HEATR5A: variants seen among roughly 807,000 people sequenced by gnomAD.
The protein encoded by HEATR5A is HEAT repeat-containing protein 5A.
In HEATR5A, 178 loss-of-function variants were observed where a neutral mutation model predicts 218.8. That is an observed-to-expected ratio of 0.81 (90% CI 0.72 to 0.92). The LOEUF (loss-of-function observed/expected upper bound fraction) is 0.92. Ranked by LOEUF, HEATR5A falls within the 40% of genes least tolerant of loss-of-function variation. HEATR5A has a pLI of 0.00. For synonymous variants in HEATR5A, 864 were observed against 871.6 expected (o/e 0.99, Z 0.15); for missense variants, 2,420 against 2,418.9 (o/e 1.00, Z -0.01).
At chr14:31,383,346 T>C (rs1186212125) in intron 10 of HEATR5A, among the ~76,000 whole-genome samples, 175 bp downstream of exon 10, 1 of 152,204 alleles carries the variant, frequency 6.6e-6, no homozygotes, top group African/African-American at 2.4e-5. Flanking sequence ...AGCTTAGTTA[T>C]TTAAGATTTC....
Position 31,345,187 on chromosome 14 carries a change from TATA to T in HEATR5A, c.2955_2957del (p.Ile986del), listed in dbSNP as rs1456477964. The stretch of plus-strand genomic sequence containing the variant: ...TAGGAGGCACATTTAACAACAACAT[TATA>T]ATAAGAGAAAGGGTAGGTTCCACAT... On this transcript the variant is annotated inframe_deletion, in exon 20 of 36. Coordinates refer to ENST00000543095, the MANE Select transcript of HEATR5A (RefSeq NM_015473.4). The T allele has an allele frequency of 1.9e-6, 3 of 1,613,444 alleles. No individual in the cohort carries two copies. The highest frequency in any genetic ancestry group is 2.5e-6 in the Non-Finnish European group (3 of 1,179,636).
intron 1 of HEATR5A, among the ~76,000 whole-genome samples, chr14:31,410,327 C>T (rs2031230306): frequency 1.3e-5 from 2 of 152,106 alleles, no homozygotes; most frequent in Admixed American, 1.3e-4. Context: ...TCAAGAACTC[C>T]CACAATTCAA....
intron 11 of HEATR5A, 63 bp downstream of exon 11, chr14:31,380,404 G>C: frequency 1.0e-6 from 1 of 994,294 alleles, no homozygotes; most frequent in Non-Finnish European, 1.5e-6. Context: ...TCACATATAA[G>C]AATCATTTCA....
At chr14:31,380,255 C>T (rs1335600426) in intron 11 of HEATR5A, among the ~76,000 whole-genome samples, 4 of 152,072 alleles carry the variant, frequency 2.6e-5, no homozygotes, top group African/African-American at 9.6e-5. Flanking sequence ...TCATCTAGCC[C>T]GGAAGAGAAA....
At chr14:31,298,534 G>A (rs1019336760) in intron 33 of HEATR5A, among the ~76,000 whole-genome samples, 4 of 152,052 alleles carry the variant, frequency 2.6e-5, no homozygotes, top group Non-Finnish European at 4.4e-5. Flanking sequence ...GGCCTCAAGC[G>A]GTCCTCTTGC....
intron 22 of HEATR5A, among the ~76,000 whole-genome samples, chr14:31,332,860 C>T (rs1900520209): frequency 6.6e-6 from 1 of 152,008 alleles, no homozygotes; most frequent in Non-Finnish European, 1.5e-5. Context: ...GTGGCGGGCA[C>T]CTGTAATCCC....
At chr14:31,392,951 G>A (rs1380108798) in intron 6 of HEATR5A, among the ~76,000 whole-genome samples, 1 of 152,162 alleles carries the variant, frequency 6.6e-6, no homozygotes. Context: ...TTGCACTACT[G>A]CTCCACCCTG....
intron 22 of HEATR5A, among the ~76,000 whole-genome samples, chr14:31,328,893 A>G (rs1418381925): frequency 1.3e-5 from 2 of 149,436 alleles, no homozygotes; most frequent in Admixed American, 1.3e-4. Context: ...AGAAAAGGAA[A>G]AAAAAAAAAA....
At chr14:31,313,291 T>C (rs1054216181) in intron 27 of HEATR5A, 101 bp from the exon 28 acceptor site, 31 of 837,624 alleles carry the variant, frequency 3.7e-5, no homozygotes, top group Non-Finnish European at 5.4e-5. Flanking sequence ...CCTTTGAGCA[T>C]ACTGGACTTG....
chr14:31,323,647 C>T lies in HEATR5A; in HGVS notation c.3705G>A (p.Arg1235=), dbSNP rs755869102. ...TRVFAAECVC[R]IINQCENANS... ...TAGCATTCTCACATTGGTTAATTATCCTACAGACACATTCAGCAGCAAAGA... is the reference window on the plus strand; with the variant it reads ...TAGCATTCTCACATTGGTTAATTATTCTACAGACACATTCAGCAGCAAAGA... Residue 1235 remains arginine, a synonymous_variant, in exon 24 of 36, where the codon AGG becomes AGA. Transcript: ENST00000543095. 1 of 1,613,146 alleles carries T rather than the reference C, an allele frequency of 6.2e-7. No individual in the cohort carries two copies. Among genetic ancestry groups the T allele is most frequent in the Admixed American group, 1.7e-5 (1 of 59,958 alleles).
At chr14:31,313,457 A>G (rs752420225) in intron 27 of HEATR5A, among the ~76,000 whole-genome samples, 4 of 152,206 alleles carry the variant, frequency 2.6e-5, no homozygotes, top group Non-Finnish European at 2.9e-5. Context: ...TCATAATATT[A>G]TATCACGGCA....
At chr14:31,418,069 G>A (rs1595196359) in intron 1 of HEATR5A, among the ~76,000 whole-genome samples, 1 of 151,868 alleles carries the variant, frequency 6.6e-6, no homozygotes, top group Non-Finnish European at 1.5e-5. Flanking sequence ...TTAGCCTGGC[G>A]TGGTGGTGCA....
At chr14:31,359,915 T>G (rs1386736953) in intron 14 of HEATR5A, among the ~76,000 whole-genome samples, 1 of 152,006 alleles carries the variant, frequency 6.6e-6, no homozygotes, top group Non-Finnish European at 1.5e-5. Context: ...CCATTCCTGA[T>G]CCCACATTTC....
In HEATR5A at chr14:31,306,843, C is replaced by T; in HGVS notation, c.4855G>A (p.Val1619Ile). The T allele has an allele frequency of 6.2e-7, 1 of 1,613,482 alleles. No individual in the cohort carries two copies. Among genetic ancestry groups the T allele is most frequent in the Non-Finnish European group, 8.5e-7 (1 of 1,179,564 alleles). Residue 1619 changes from valine to isoleucine, a missense_variant, in exon 31 of 36, where the codon GTA (valine) becomes ATA (isoleucine). Coordinates refer to ENST00000543095, the MANE Select transcript of HEATR5A (RefSeq NM_015473.4). ...GIELLNVLHR[V>I]ILTRESPSIQ... ...GAAGGTGATTCTCTGGTTAAAATTA[C>T]TCGATGTAGAACATTCAGCAATTCT...
chr14:31,411,647 T>C (rs2031275583), intron 1 of HEATR5A, among the ~76,000 whole-genome samples: 2 of 152,204 alleles, frequency 1.3e-5, no homozygotes, highest in African/African-American at 2.4e-5. Flanking sequence ...ATGTGCACTA[T>C]GTACTGCCAA....
At chr14:31,353,579 G>GA (rs36037286) in intron 16 of HEATR5A, among the ~76,000 whole-genome samples, 2 of 151,630 alleles carry the variant, frequency 1.3e-5, no homozygotes. Context: ...CCACTAAAAA[G>GA]AAAAAAAATT....
chr14:31,294,693 G>A (rs1303268086), intron 34 of HEATR5A, among the ~76,000 whole-genome samples: 1 of 151,916 alleles, frequency 6.6e-6, no homozygotes, highest in Non-Finnish European at 1.5e-5. Context: ...TTACAGACAT[G>A]AGCCACCGTG....
Position 31,315,228 on chromosome 14 carries a change from G to C in HEATR5A, c.4218+542C>G, listed in dbSNP as rs142555295. 8.8e-3 allele frequency among the ~76,000 whole-genome samples: 1,340 copies of C among 152,224 alleles called. 14 individuals are homozygous for C. Among genetic ancestry groups the C allele is most frequent in the African/African-American group, 0.031 (1,267 of 41,536 alleles). ...TCATGTTTGGTAACTGCTGAAGCCA[G>C]GTGATGGGTATATGTAGATTCATTA... On this transcript the variant is annotated intron_variant, in intron 27 of 35. Coordinates refer to ENST00000543095, the MANE Select transcript of HEATR5A (RefSeq NM_015473.4).
At chr14:31,402,310 A>C (rs1208086824) in intron 2 of HEATR5A, among the ~76,000 whole-genome samples, 1 of 152,228 alleles carries the variant, frequency 6.6e-6, no homozygotes, top group African/African-American at 2.4e-5. Context: ...TCAATGGCTT[A>C]GTAAATTAAT....
Sources: gnomAD v4.1 joint callset for allele counts (sites outside exome capture counted in the v4.1 genomes callset) on GRCh38, gnomAD v4.1.1 for gene constraint, MANE v1.5 for transcripts, NCBI Gene and HGNC (gene_info 2026-07-23, HGNC 2026-07-21) for gene names.